The following FES variants were observed in gnomAD, a reference collection of about 807,000 sequenced individuals.
FES encodes the protein FES proto-oncogene, tyrosine kinase, also known as tyrosine-protein kinase Fes/Fps.
FES carries 83 observed loss-of-function variants against 109.6 expected under a neutral mutation model. The observed-to-expected ratio is 0.76, with a 90% CI of 0.63 to 0.91. The LOEUF (loss-of-function observed/expected upper bound fraction) is 0.91, where lower values mean the gene tolerates loss of function less well. Ranked by LOEUF, FES falls within the 40% of genes least tolerant of loss-of-function variation. The pLI is 0.00. For missense variants in FES, 943 were observed against 1,070.9 expected, an observed-to-expected ratio of 0.88 and a Z score of 1.67; for synonymous variants, 458 against 442.1, an observed-to-expected ratio of 1.04 and a Z score of -0.45.
chr15:90,891,143 G>T lies in FES; in HGVS notation c.1482G>T (p.Ser494=). ...ESQGKQEYVL[S]VLWDGLPRHF... is the part of the protein sequence containing the mutation. ...AGGGCAAGCAGGAGTACGTGCTGTC[G>T]GTGCTGTGGGATGGTCTGCCCCGGC... Residue 494 remains serine, a synonymous_variant, in exon 11 of 19, where the codon TCG becomes TCT. Transcript: ENST00000328850. The T allele has an allele frequency of 4.4e-6, 7 of 1,573,622 alleles. No homozygotes were observed. Among genetic ancestry groups the T allele is most frequent in the Non-Finnish European group, 5.2e-6 (6 of 1,159,332 alleles).
chr15:90,895,551 A>G lies in FES; in HGVS notation c.2462A>G (p.His821Arg), dbSNP rs1439306066. 6.3e-7 allele frequency: 1 copy of G among 1,580,398 alleles called. No individual in the cohort carries two copies. The highest frequency in any genetic ancestry group is 8.6e-7 in the Non-Finnish European group (1 of 1,161,622). Residue 821 changes from histidine to arginine, a missense_variant, in exon 19 of 19, where the codon CAT (histidine) becomes CGT (arginine). His to Arg is a conservative substitution (Grantham distance 29, BLOSUM62 0). Transcript: ENST00000328850. ...GAGCTGCAGAGCATCCGAAAGCGGC[A>G]TCGGTGAGGCTGGGACCCCCTTCTC... ...YQELQSIRKRHR is the reference protein window; with the variant it reads ...YQELQSIRKRRR
chr15:90,891,196 G>A lies in FES; in HGVS notation c.1530+5G>A. ...TTCATCATCCAGTCCTTGGATGTGA[G>A]TGGGGCTGGGACCCGAGCCTTCCAG... On this transcript the variant is annotated splice_donor_5th_base_variant and intron_variant, in intron 11 of 18. Coordinates refer to ENST00000328850, the MANE Select transcript of FES (RefSeq NM_002005.4). 2 of 1,551,626 alleles carry A rather than the reference G, an allele frequency of 1.3e-6. No homozygotes were observed. The highest frequency in any genetic ancestry group is 1.7e-6 in the Non-Finnish European group (2 of 1,148,304).
At chr15:90,894,927 T>C (rs942074128) in intron 18 of FES, among the ~76,000 whole-genome samples, 11 of 151,244 alleles carry the variant, frequency 7.3e-5, no homozygotes, top group Non-Finnish European at 1.6e-4. Flanking sequence ...ATTAGCGAGG[T>C]GTAGTGGTGC....
intron 13 of FES, 88 bp from the exon 14 acceptor site, chr15:90,892,619 C>A: frequency 7.2e-7 from 1 of 1,382,558 alleles, no homozygotes; most frequent in Non-Finnish European, 1.0e-6. Flanking sequence ...GGGCCCCTCA[C>A]CCAGGGGTAG....
rs772534682 is a variant in FES, at chr15:90,889,589, T to C, written c.879T>C (p.Pro293=). ...SLLEEGEPLE[P]GELQLNELTV... ...TTGAGGAGGGTGAACCGCTGGAGCC[T>C]GGGGAGCTCCAGCTGAACGAGCTGA... is the stretch of plus-strand genomic sequence containing the variant. The change falls in exon 7 of 19, where the codon CCT becomes CCC. Residue 293 remains proline (P), a synonymous_variant. Transcript: ENST00000328850. This position sits in a 1 kb window ranked among gnomAD's most constrained non-coding sequence, Gnocchi z 6.1. 5 of 1,613,424 alleles carry C rather than the reference T, an allele frequency of 3.1e-6. No homozygotes were observed. The highest frequency in any genetic ancestry group is 1.3e-5 in the African/African-American group (1 of 74,860).
In FES at chr15:90,885,565, C is replaced by T. The variant is rs1302191000; in HGVS notation, c.367C>T (p.Leu123=). Residue 123 remains leucine (L), a synonymous_variant, in exon 3 of 19, where the codon CTG becomes TTG. Coordinates refer to ENST00000328850, the MANE Select transcript of FES (RefSeq NM_002005.4). The part of the protein sequence containing the change: ...RKTYSEQWQQ[L]QQELTKTHSQ... ...GACCTACAGCGAGCAGTGGCAGCAG[C>T]TGCAGCAGGAGCTCACCAAGGTGAG... 1 of 1,613,044 alleles carries T rather than the reference C, an allele frequency of 6.2e-7. No individual in the cohort carries two copies. The highest frequency in any genetic ancestry group is 1.1e-5 in the South Asian group (1 of 91,068).
At position 90,890,619 on chromosome 15, in the gene FES, T is replaced by G; in HGVS notation, c.1320+135T>G. 5 of 817,950 alleles carry G rather than the reference T, an allele frequency of 6.1e-6. 1 individual carries two copies. In the Admixed American group the frequency reaches 1.2e-4, roughly 20 times the overall value. 50.7% of individuals were successfully genotyped at this position (817,950 alleles called of 1,614,324 possible). On this transcript the variant is annotated intron_variant, in intron 10 of 18. Transcript: ENST00000328850. ...CTTCCCTGGGATTCCAGGCTGCAGA[T>G]GTCCCCAGACCCTGCCCCTGTGACC...
intron 11 of FES, 93 bp downstream of exon 11, chr15:90,891,284 T>A (rs1335892001): frequency 1.4e-6 from 2 of 1,434,786 alleles, no homozygotes; most frequent in South Asian, 1.3e-5. Flanking sequence ...AGGGGGTAGC[T>A]GCCAGGTCTT....
intron 18 of FES, 75 bp from the exon 19 acceptor site, chr15:90,895,341 A>G: frequency 7.6e-7 from 1 of 1,311,992 alleles, no homozygotes. Context: ...CCTATGGCTC[A>G]TGGTATCCCC....
intron 16 of FES, 91 bp from the exon 17 acceptor site, chr15:90,893,563 A>T (rs1742328942): frequency 6.7e-7 from 1 of 1,501,190 alleles, no homozygotes. Context: ...CAGGGCCGGG[A>T]GCAGCTTTTG....
At chr15:90,893,465 GA>G in intron 16 of FES, 51 bp downstream of exon 16, 5 of 1,514,198 alleles carry the variant, frequency 3.3e-6, no homozygotes, top group Non-Finnish European at 4.4e-6. Flanking sequence ...CCAGAGTCAA[GA>G]GGTACCTATA....
intron 3 of FES, among the ~76,000 whole-genome samples, chr15:90,886,203 C>A (rs2032603649): frequency 6.6e-6 from 1 of 152,238 alleles, no homozygotes; most frequent in Non-Finnish European, 1.5e-5. Flanking sequence ...TGGTGGCCAC[C>A]CTGGCCCCAT....
chr15:90,890,546 C>T (rs2033116303), intron 10 of FES, 62 bp downstream of exon 10: 1 of 1,461,530 alleles, frequency 6.8e-7, no homozygotes, highest in Non-Finnish European at 9.5e-7. Flanking sequence ...ACTGGGATGT[C>T]CTAGAGAGGA....
At position 90,893,334 on chromosome 15, in the gene FES, G is replaced by T. The variant is rs1399416598; in HGVS notation, c.1965G>T (p.Leu655=). ...TCCTCCGCACGGAGGGGGCCCGCCTGCGGGTGAAGACTCTGCTGCAGATGG... is the reference window on the plus strand; with the variant it reads ...TCCTCCGCACGGAGGGGGCCCGCCTTCGGGTGAAGACTCTGCTGCAGATGG... ...LTFLRTEGAR[L]RVKTLLQMVG... is the part of the protein sequence containing the mutation. The change falls in exon 16 of 19, where the codon CTG becomes CTT. Residue 655 remains leucine (L), a synonymous_variant. Coordinates refer to ENST00000328850, the MANE Select transcript of FES (RefSeq NM_002005.4). 4 of 1,579,298 alleles carry T rather than the reference G, an allele frequency of 2.5e-6. No homozygotes were observed. The East Asian group carries it at 9.0e-5, about 35-fold the overall frequency.
In FES at chr15:90,887,221, G is replaced by A; in HGVS notation, c.519G>A (p.Val173=). 6.2e-7 allele frequency: 1 copy of A among 1,613,644 alleles called. No homozygotes were observed. Among genetic ancestry groups the A allele is most frequent in the Non-Finnish European group, 8.5e-7 (1 of 1,179,988 alleles). The stretch of plus-strand genomic sequence containing the variant: ...GTGACAAGGCTAAGGACAAGTATGT[G>A]CGCAGCCTGTGGAAGCTCTTTGCTC... ...KDRDKAKDKY[V]RSLWKLFAHH... is the part of the protein sequence containing the mutation. The change falls in exon 5 of 19, where the codon GTG becomes GTA. Residue 173 remains valine, a synonymous_variant. Coordinates refer to ENST00000328850, the MANE Select transcript of FES (RefSeq NM_002005.4).
Position 90,884,876 on chromosome 15 carries a change from G to C in FES, c.-9-161G>C, listed in dbSNP as rs977853181. 17 of 653,594 alleles carry C rather than the reference G, an allele frequency of 2.6e-5. No homozygotes were observed. In the African/African-American group the frequency reaches 3.1e-4, roughly 12 times the overall value. The allele number at this position is 653,594 out of a possible 1,614,324, so 40.5% of individuals were successfully genotyped here. A position where few individuals can be genotyped will look rare whatever the true frequency, so the allele number is the denominator to read the frequency against. The stretch of plus-strand genomic sequence containing the variant: ...GCAATGAGGGCCAGTCCCCAGGCCA[G>C]GCTGCTGCTGGGTACCCATGGCTGC... On this transcript the variant is annotated intron_variant, in intron 1 of 18. Transcript: ENST00000328850.
Position 90,892,757 on chromosome 15 carries a change from G to C in FES, c.1758G>C (p.Leu586=), listed in dbSNP as rs766236320. Residue 586 remains leucine (L), a synonymous_variant, in exon 14 of 19, where the codon CTG becomes CTC. Coordinates refer to ENST00000328850, the MANE Select transcript of FES (RefSeq NM_002005.4). The part of the protein sequence containing the change: ...FSGRLRADNT[L]VAVKSCRETL... ...GACGCCTGCGAGCCGACAACACCCT[G>C]GTGGCGGTGAAGTCTTGTCGAGAGA... 6.8e-6 allele frequency: 11 copies of C among 1,613,714 alleles called. No individual in the cohort carries two copies. Among genetic ancestry groups the C allele is most frequent in the African/African-American group, 1.3e-5 (1 of 75,032 alleles).
rs764011722 is a variant in FES, at chr15:90,895,419, G to A, written c.2330G>A (p.Gly777Asp). Residue 777 changes from glycine to aspartate, a missense_variant, in exon 19 of 19, where the codon GGC becomes GAC. By Grantham distance (94) the Gly-to-Asp change is moderately conservative. Coordinates refer to ENST00000328850, the MANE Select transcript of FES (RefSeq NM_002005.4). ...QQTREFVEKGGRLPCPELCPD... is the reference protein window; with the variant it reads ...QQTREFVEKGDRLPCPELCPD... ...TGTGCTGTGCCTCTCCTCACAGGGGGCCGTCTGCCCTGCCCAGAGCTGTGT... is the reference window on the plus strand; with the variant it reads ...TGTGCTGTGCCTCTCCTCACAGGGGACCGTCTGCCCTGCCCAGAGCTGTGT... 2.0e-6 allele frequency: 3 copies of A among 1,536,608 alleles called. No individual in the cohort carries two copies. Among genetic ancestry groups the A allele is most frequent in the South Asian group, 2.4e-5 (2 of 81,906 alleles).
chr15:90,891,179 C>G lies in FES; in HGVS notation c.1518C>G (p.Ile506Met). Residue 506 changes from isoleucine (I) to methionine (M), a missense_variant, in exon 11 of 19, where the codon ATC (isoleucine) becomes ATG (methionine). By Grantham distance (10) the Ile-to-Met change is conservative (BLOSUM62 1). Transcript: ENST00000328850. ...LWDGLPRHFI[I>M]QSLDNLYRLE... is the part of the protein sequence containing the mutation. ...ATGGTCTGCCCCGGCACTTCATCAT[C>G]CAGTCCTTGGATGTGAGTGGGGCTG... 6.4e-7 allele frequency: 1 copy of G among 1,557,076 alleles called. No homozygotes were observed. The highest frequency in any genetic ancestry group is 8.7e-7 in the Non-Finnish European group (1 of 1,150,756).
Sources: allele counts gnomAD v4.1 joint callset (sites outside exome capture counted in the v4.1 genomes callset), GRCh38; gene constraint gnomAD v4.1.1; non-coding constraint Gnocchi (gnomAD v3.1); transcripts MANE v1.5; gene names NCBI Gene and HGNC (gene_info 2026-07-23, HGNC 2026-07-21).